The following ZBTB17 variants were observed in gnomAD, a reference collection of about 807,000 sequenced individuals.
The protein encoded by ZBTB17 is zinc finger and BTB domain containing 17.
A neutral mutation model predicts 85.1 loss-of-function variants in ZBTB17; 24 were observed. The observed-to-expected ratio is 0.28, with a 90% confidence interval of 0.20 to 0.40. The LOEUF (loss-of-function observed/expected upper bound fraction) is 0.40. Ranked by LOEUF, ZBTB17 falls within the 10% of genes least tolerant of loss-of-function variation. The probability of loss-of-function intolerance (pLI) is 1.00; values close to 1 mark genes in which losing one functional copy is unlikely to be tolerated. For missense variants in ZBTB17, 743 were observed against 1,105.1 expected, an observed-to-expected ratio of 0.67 and a Z score of 4.65; for synonymous variants, 464 against 460.2, an observed-to-expected ratio of 1.01 and a Z score of -0.11.
intron 13 of ZBTB17, 149 bp from the exon 14 acceptor site, chr1:15,942,887 G>A: frequency 1.5e-6 from 2 of 1,319,998 alleles, no homozygotes; most frequent in East Asian, 5.0e-5. Context: ...GGTGACACTG[G>A]CACCTCTGGA....
At chr1:15,971,985 G>C (rs892312788) in intron 2 of ZBTB17, among the ~76,000 whole-genome samples, 5 of 151,848 alleles carry the variant, frequency 3.3e-5, no homozygotes, top group Admixed American at 2.6e-4. Context: ...CCTGACCCCA[G>C]AGTCCTAGCT....
At position 15,953,523 on chromosome 1, in the gene ZBTB17, G is replaced by A. The variant is rs2071940377; in HGVS notation, c.-2-5026C>T. Among the ~76,000 whole-genome samples, 1 of 152,230 alleles carries A rather than the reference G, an allele frequency of 6.6e-6. No homozygotes were observed. The highest frequency in any genetic ancestry group is 1.5e-5 in the Non-Finnish European group (1 of 68,048). On this transcript the variant is annotated intron_variant, in intron 2 of 15. Coordinates refer to ENST00000375743, the MANE Select transcript of ZBTB17 (RefSeq NM_003443.3). This position sits in a 1 kb window ranked among gnomAD's most constrained non-coding sequence, Gnocchi z 5.1. ...CCTGCGGGTGGGATTTGGAAGGGCT[G>A]GCCCCAGAAAGCACAACCCATTGCA...
Position 15,942,175 on chromosome 1 carries a change from C to T in ZBTB17, c.2206G>A (p.Val736Met). The T allele has an allele frequency of 1.2e-6, 2 of 1,613,754 alleles. No individual in the cohort carries two copies. The highest frequency in any genetic ancestry group is 1.7e-6 in the Non-Finnish European group (2 of 1,180,034). ...FLDANSLAQH[V>M]RIHTAQALVM... ...AGTGCCTGGGCTGTGTGGATTCGCA[C>T]ATGCTGAGCCAGGCTGTTGGCATCC... The change falls in exon 16 of 16, where the codon GTG (valine) becomes ATG (methionine). Residue 736 changes from valine (V) to methionine (M), a missense_variant. Val to Met is a conservative substitution (Grantham distance 21). Around this residue, in one of 4 missense-constraint regions of ZBTB17, gnomAD observed 321 missense variants for 615.7 expected, o/e 0.52. Coordinates refer to ENST00000375743, the MANE Select transcript of ZBTB17 (RefSeq NM_003443.3).
intron 2 of ZBTB17, among the ~76,000 whole-genome samples, chr1:15,958,990 C>T (rs777551781): frequency 1.1e-4 from 16 of 152,160 alleles, no homozygotes; most frequent in Non-Finnish European, 2.1e-4. Context: ...GAGATGAAGT[C>T]CCACTGGGCT....
At chr1:15,942,457 G>A (rs1395444823) in intron 14 of ZBTB17, 37 bp from the exon 15 acceptor site, 6 of 1,611,712 alleles carry the variant, frequency 3.7e-6, no homozygotes, top group South Asian at 2.2e-5. Flanking sequence ...GTGAAGGCAC[G>A]GGCACTGCCC....
At chr1:15,971,806 C>A (rs1312158468) in intron 2 of ZBTB17, among the ~76,000 whole-genome samples, 1 of 151,824 alleles carries the variant, frequency 6.6e-6, no homozygotes, top group East Asian at 1.9e-4. Flanking sequence ...AACTGAGGCT[C>A]AGCAATGAAA....
At chr1:15,971,540 TAC>T (rs1177538937) in intron 2 of ZBTB17, among the ~76,000 whole-genome samples, 2 of 141,226 alleles carry the variant, frequency 1.4e-5, no homozygotes, top group Admixed American at 7.0e-5. Context: ...ACTATATATA[TAC>T]ACACACACTA....
Position 15,960,061 on chromosome 1 carries a change from C to T in ZBTB17, c.-2-11564G>A, listed in dbSNP as rs146832982. Among the ~76,000 whole-genome samples the T allele has an allele frequency of 9.4e-3, 1,429 of 152,306 alleles. 14 individuals are homozygous for T. Among genetic ancestry groups the T allele is most frequent in the Admixed American group, 0.018 (272 of 15,304 alleles). On this transcript the variant is annotated intron_variant, in intron 2 of 15. Transcript: ENST00000375743. ...GTCCTCGTGCTCAAACAGAGGAAGC[C>T]CCCTGACACTGCGACGACACTGAAG... is the stretch of plus-strand genomic sequence containing the variant.
chr1:15,972,355 T>G (rs555871816), intron 2 of ZBTB17, among the ~76,000 whole-genome samples: 39 of 152,268 alleles, frequency 2.6e-4, no homozygotes, highest in Admixed American at 1.2e-3. Flanking sequence ...GGACCTCCCC[T>G]CAGGCTGGGA....
chr1:15,972,228 C>CA (rs1234874017), intron 2 of ZBTB17, among the ~76,000 whole-genome samples: 6 of 152,340 alleles, frequency 3.9e-5, no homozygotes, highest in African/African-American at 1.4e-4. Flanking sequence ...GCACCCAGCA[C>CA]AATGCCTGAC....
At chr1:15,972,908 C>T (rs1025035630) in intron 2 of ZBTB17, 131 bp downstream of exon 2, 2 of 152,180 alleles carry the variant, frequency 1.3e-5, no homozygotes, top group Non-Finnish European at 1.5e-5. Flanking sequence ...CAAACTGTAA[C>T]TGGGATTTTG....
At chr1:15,970,687 T>G (rs2072618235) in intron 2 of ZBTB17, among the ~76,000 whole-genome samples, 1 of 152,170 alleles carries the variant, frequency 6.6e-6, no homozygotes, top group African/African-American at 2.4e-5. Context: ...TAGCTGGGAT[T>G]ACAGGCGCCT....
At position 15,952,569 on chromosome 1, in the gene ZBTB17, C is replaced by A. The variant is rs1315042518; in HGVS notation, c.-2-4072G>T. Among the ~76,000 whole-genome samples, 1 of 152,218 alleles carries A rather than the reference C, an allele frequency of 6.6e-6. No homozygotes were observed. Among genetic ancestry groups the A allele is most frequent in the African/African-American group, 2.4e-5 (1 of 41,458 alleles). On this transcript the variant is annotated intron_variant, in intron 2 of 15. Coordinates refer to ENST00000375743, the MANE Select transcript of ZBTB17 (RefSeq NM_003443.3). This position sits in a 1 kb window ranked among gnomAD's most constrained non-coding sequence, Gnocchi z 4.3. ...TCCCTCCTGTCGGAATCTGGATGGC[C>A]CAGAGACGACTCTGACATCAGGATG... is the stretch of plus-strand genomic sequence containing the variant.
At position 15,973,957 on chromosome 1, in the gene ZBTB17, A is replaced by T. The variant is rs1221753142; in HGVS notation, c.-89-832T>A. 1.3e-5 allele frequency among the ~76,000 whole-genome samples: 2 copies of T among 152,180 alleles called. No homozygotes were observed. Among genetic ancestry groups the T allele is most frequent in the Non-Finnish European group, 2.9e-5 (2 of 68,024 alleles). On this transcript the variant is annotated intron_variant, in intron 1 of 15. Coordinates refer to ENST00000375743, the MANE Select transcript of ZBTB17 (RefSeq NM_003443.3). This position sits in a 1 kb window ranked among gnomAD's most constrained non-coding sequence, Gnocchi z 4.1. ...ATAATCCCAGTACTTTGGGAGGCTG[A>T]GGCGGGAGGATCATTTGAGGCCAAG... is the stretch of plus-strand genomic sequence containing the variant.
intron 2 of ZBTB17, among the ~76,000 whole-genome samples, chr1:15,959,519 G>A (rs1009454500): frequency 1.4e-5 from 2 of 138,790 alleles, no homozygotes; most frequent in East Asian, 4.1e-4. Context: ...GAGGGAGGGA[G>A]GGAGGGAGGG....
intron 2 of ZBTB17, chr1:15,969,522 G>A (rs2072564093): frequency 1.4e-5 from 4 of 293,112 alleles, no homozygotes; most frequent in Admixed American, 9.2e-5. Flanking sequence ...GAGGGGGCAC[G>A]AGGCAGTAGT....
Position 15,947,080 on chromosome 1 carries a change from G to A in ZBTB17, c.249C>T (p.Ser83=). Residue 83 remains serine (S), a synonymous_variant, in exon 4 of 16, where the codon AGC becomes AGT. Transcript: ENST00000375743. ...CATCATCCACGTTCTCAGGGCTCAGGCTCAGCTTGGCCGTGTACATAAACT... is the reference window on the plus strand; with the variant it reads ...CATCATCCACGTTCTCAGGGCTCAGACTCAGCTTGGCCGTGTACATAAACT... ...VLEFMYTAKL[S]LSPENVDDVL... 1 of 1,613,990 alleles carries A rather than the reference G, an allele frequency of 6.2e-7. No homozygotes were observed. The highest frequency in any genetic ancestry group is 8.5e-7 in the Non-Finnish European group (1 of 1,179,958).
chr1:15,941,884 A>G lies in ZBTB17; in HGVS notation c.*85T>C. 6.7e-7 allele frequency: 1 copy of G among 1,485,984 alleles called. No individual in the cohort carries two copies. The highest frequency in any genetic ancestry group is 2.1e-5 in the Admixed American group (1 of 48,608). The allele number at this position is 1,485,984 out of a possible 1,614,324, so 92.0% of individuals were successfully genotyped here. ...ATAGGCAGCATTAGAAAATAATCCA[A>G]TTTATTCTCTCTAGGGAACAGGCCA... On this transcript the variant is annotated 3_prime_UTR_variant, in exon 16 of 16. Transcript: ENST00000375743.
At chr1:15,945,658 G>T in intron 6 of ZBTB17, 57 bp downstream of exon 6, 1 of 1,595,794 alleles carries the variant, frequency 6.3e-7, no homozygotes. Flanking sequence ...GCGCAGTGGA[G>T]GCAGGGCCCT....
Sources: allele counts gnomAD v4.1 joint callset (sites outside exome capture counted in the v4.1 genomes callset), GRCh38; gene constraint gnomAD v4.1.1; regional missense constraint gnomAD v4.1.1; non-coding constraint Gnocchi (gnomAD v3.1); transcripts MANE v1.5; gene names NCBI Gene and HGNC (gene_info 2026-07-23, HGNC 2026-07-21).